Variants in DACH1 observed in about 807,000 individuals in gnomAD.
The protein encoded by DACH1 is dachshund homolog 1.
Under a neutral mutation model 54.2 loss-of-function variants are expected in DACH1, and 12 were observed. That is an observed-to-expected ratio of 0.22 (90% CI 0.14 to 0.36). The LOEUF (loss-of-function observed/expected upper bound fraction) is 0.36. Among genes scored for constraint, DACH1 ranks in the 10% least tolerant of loss-of-function variants. DACH1 has a pLI of 1.00. For synonymous variants in DACH1, 386 were observed against 366.2 expected (o/e 1.05, Z -0.62); for missense variants, 805 against 929.8 (o/e 0.87, Z 1.75).
chr13:71,519,691 G>T (rs1342799865), intron 6 of DACH1, among the ~76,000 whole-genome samples: 1 of 150,568 alleles, frequency 6.6e-6, no homozygotes, highest in East Asian at 2.0e-4. Context: ...TAATTGTTAA[G>T]ATTTTTAATG....
At chr13:71,469,710 G>C (rs1171639821) in intron 10 of DACH1, among the ~76,000 whole-genome samples, 2 of 152,094 alleles carry the variant, frequency 1.3e-5, no homozygotes, top group Non-Finnish European at 2.9e-5. Flanking sequence ...TATCATCAAC[G>C]TTGAATAAAT....
intron 1 of DACH1, among the ~76,000 whole-genome samples, chr13:71,692,492 CTTTCTTTTCTTTCCTTTTTT>C (rs1881548382): frequency 1.1e-5 from 1 of 90,474 alleles, no homozygotes; most frequent in Non-Finnish European, 2.4e-5. Flanking sequence ...CTTTCTTTTT[CTTTCTTTTCTTTCCTTTTTT>C]TTTTTTTTTT....
intron 8 of DACH1, 133 bp downstream of exon 8, chr13:71,479,036 C>T (rs1328959549): frequency 1.3e-6 from 1 of 783,044 alleles, no homozygotes; most frequent in African/African-American, 1.8e-5. Flanking sequence ...GCCTAGGATT[C>T]AAATTCTGCT....
chr13:71,594,924 G>A (rs969894106), intron 3 of DACH1, among the ~76,000 whole-genome samples: 34 of 152,108 alleles, frequency 2.2e-4, no homozygotes, highest in Admixed American at 2.0e-3. Context: ...TGACATTCTA[G>A]TAATTATATA....
At chr13:71,542,242 C>G (rs1883180750) in intron 6 of DACH1, among the ~76,000 whole-genome samples, 1 of 151,832 alleles carries the variant, frequency 6.6e-6, no homozygotes, top group African/African-American at 2.4e-5. Flanking sequence ...GAGCGAAACT[C>G]CGTCTCAAAT....
chr13:71,701,438 A>G (rs960066307), intron 1 of DACH1, among the ~76,000 whole-genome samples: 3 of 152,176 alleles, frequency 2.0e-5, no homozygotes, highest in African/African-American at 4.8e-5. Context: ...AATGATGCAT[A>G]TATCTCTGTA....
chr13:71,662,391 C>T (rs1879565878), intron 2 of DACH1, among the ~76,000 whole-genome samples: 1 of 151,928 alleles, frequency 6.6e-6, no homozygotes, highest in South Asian at 2.1e-4. Flanking sequence ...AAGACTGTCA[C>T]CTTGTGATTC....
intron 1 of DACH1, among the ~76,000 whole-genome samples, chr13:71,753,284 A>T (rs567401115): frequency 1.3e-5 from 2 of 152,240 alleles, no homozygotes; most frequent in Non-Finnish European, 2.9e-5. Flanking sequence ...TACCAGATCA[A>T]TATCTCGCTG....
Position 71,681,865 on chromosome 13 carries a change from G to A in DACH1, c.894C>T (p.Ser298=). The change falls in exon 2 of 11, where the codon TCC becomes TCT. Residue 298 remains serine, a synonymous_variant. Transcript: ENST00000613252. ...GCGGCATGATGTGAGAGTTCTCTGG[G>A]GAGGTGACACTTTGAGTCCTCTTAG... ...RPPKRTQSVT[S]PENSHIMPHS... The A allele has an allele frequency of 6.2e-7, 1 of 1,613,896 alleles. No homozygotes were observed. Among genetic ancestry groups the A allele is most frequent in the Non-Finnish European group, 8.5e-7 (1 of 1,179,868 alleles).
chr13:71,654,017 G>C (rs1878869656), intron 2 of DACH1, among the ~76,000 whole-genome samples: 3 of 152,150 alleles, frequency 2.0e-5, no homozygotes, highest in African/African-American at 7.2e-5. Context: ...TAGTATGTAT[G>C]GGTGTGTGTA....
At chr13:71,865,292 C>A (rs1483574315) in intron 1 of DACH1, among the ~76,000 whole-genome samples, 4 of 152,158 alleles carry the variant, frequency 2.6e-5, no homozygotes, top group African/African-American at 9.6e-5. Flanking sequence ...CCGGGATGGA[C>A]CCGGTCTCTC....
At chr13:71,628,314 T>C (rs970376088) in intron 3 of DACH1, among the ~76,000 whole-genome samples, 6 of 152,094 alleles carry the variant, frequency 3.9e-5, no homozygotes, top group Non-Finnish European at 4.4e-5. Context: ...TCTCTAGATA[T>C]ATACCTGGGG....
intron 6 of DACH1, among the ~76,000 whole-genome samples, chr13:71,544,653 G>T (rs1271269080): frequency 1.3e-5 from 2 of 152,054 alleles, no homozygotes; most frequent in Admixed American, 1.3e-4. Context: ...TATATTAAAT[G>T]ATAATTGAAC....
intron 3 of DACH1, among the ~76,000 whole-genome samples, chr13:71,608,515 C>A (rs967347031): frequency 2.0e-5 from 3 of 151,954 alleles, no homozygotes; most frequent in African/African-American, 7.2e-5. Context: ...TATTTATTAC[C>A]ATATGGCTAC....
chr13:71,625,083 G>A (rs959586928), intron 3 of DACH1, among the ~76,000 whole-genome samples: 2 of 151,762 alleles, frequency 1.3e-5, no homozygotes, highest in African/African-American at 4.8e-5. Context: ...CCTCTCTCAG[G>A]ACCTATGTCT....
At chr13:71,618,541 T>C (rs1410641538) in intron 3 of DACH1, among the ~76,000 whole-genome samples, 1 of 152,028 alleles carries the variant, frequency 6.6e-6, no homozygotes. Context: ...AAAACCTGCA[T>C]ATTAAATTGA....
At chr13:71,563,818 A>G (rs950776185) in intron 4 of DACH1, among the ~76,000 whole-genome samples, 4 of 151,618 alleles carry the variant, frequency 2.6e-5, no homozygotes, top group Admixed American at 2.6e-4. Flanking sequence ...GGATACAAAA[A>G]CAACAGTTAA....
Position 71,457,917 on chromosome 13 carries a change from T to C in DACH1, c.2083+17224A>G, listed in dbSNP as rs111323154. 3.5e-3 allele frequency among the ~76,000 whole-genome samples: 531 copies of C among 151,942 alleles called. 3 individuals are homozygous for C. Among genetic ancestry groups the C allele is most frequent in the African/African-American group, 0.011 (469 of 41,544 alleles). ...TGACACATTGTCACATCACACCCCA[T>C]ATTAGTAAGCCAAACTCATCATCAT... On this transcript the variant is annotated intron_variant, in intron 10 of 10. Transcript: ENST00000613252.
chr13:71,573,267 T>G (rs1179660456), intron 3 of DACH1: 1 of 609,030 alleles, frequency 1.6e-6, no homozygotes, highest in Non-Finnish European at 2.9e-6. Flanking sequence ...ATAATCAGTC[T>G]GAATCTTGCT....
Sources: gnomAD v4.1 joint callset for allele counts (sites outside exome capture counted in the v4.1 genomes callset) on GRCh38, gnomAD v4.1.1 for gene constraint, MANE v1.5 for transcripts, NCBI Gene and HGNC (gene_info 2026-07-23, HGNC 2026-07-21) for gene names.